CACNA2D3: variants seen among roughly 807,000 people sequenced by gnomAD.
The protein encoded by CACNA2D3 is calcium voltage-gated channel auxiliary subunit alpha2delta 3.
In CACNA2D3, 60 loss-of-function variants were observed where a neutral mutation model predicts 160.6. The ratio of observed to expected loss-of-function variants is 0.37; its 90% CI spans 0.30 to 0.46. CACNA2D3 has a LOEUF of 0.46. CACNA2D3 is among the 20% of genes least tolerant of loss of function. CACNA2D3 has a pLI of 1.00. For synonymous variants in CACNA2D3, 558 were observed against 492.9 expected (o/e 1.13, Z -1.75); for missense variants, 1,205 against 1,365.0 (o/e 0.88, Z 1.85).
At chr3:54,728,946 T>G (rs1260218258) in intron 11 of CACNA2D3, among the ~76,000 whole-genome samples, 3 of 152,224 alleles carry the variant, frequency 2.0e-5, no homozygotes, top group African/African-American at 7.2e-5. Flanking sequence ...AACACATACA[T>G]AACTTAGTCA....
At chr3:54,647,127 C>T (rs1403085330) in intron 11 of CACNA2D3, among the ~76,000 whole-genome samples, 1 of 152,200 alleles carries the variant, frequency 6.6e-6, no homozygotes, top group East Asian at 1.9e-4. Context: ...CAGATGAAAA[C>T]ACAGCCCAGT....
In CACNA2D3 at chr3:54,451,229, C is replaced by CTTTTTTTTTTTTTTTTTTTTTTTT. The variant is rs71074970; in HGVS notation, c.382-52254_382-52231dup. ...TGTCCCTTTCTGCTGATATAATAAT[C>CTTTTTTTTTTTTTTTTTTTTTTTT]TTTTTTTTTTTTTTTTTTTTTTTTT... On this transcript the variant is annotated intron_variant, in intron 4 of 37. Coordinates refer to ENST00000474759, the MANE Select transcript of CACNA2D3 (RefSeq NM_018398.3). Among the ~76,000 whole-genome samples the CTTTTTTTTTTTTTTTTTTTTTTTT allele has an allele frequency of 7.7e-5, 4 of 51,732 alleles. 2 individuals are homozygous for CTTTTTTTTTTTTTTTTTTTTTTTT. The highest frequency in any genetic ancestry group is 1.7e-4 in the African/African-American group (2 of 11,594). 33.9% of individuals were successfully genotyped at this position (51,732 alleles called of 152,430 possible).
intron 2 of CACNA2D3, among the ~76,000 whole-genome samples, chr3:54,293,970 A>G (rs1326855281): frequency 1.3e-5 from 2 of 152,338 alleles, no homozygotes; most frequent in East Asian, 3.9e-4. Flanking sequence ...GGGTAGTGGA[A>G]GGCCCCCAGA....
At chr3:54,675,761 T>C (rs1371298552) in intron 11 of CACNA2D3, among the ~76,000 whole-genome samples, 1 of 152,180 alleles carries the variant, frequency 6.6e-6, no homozygotes, top group African/African-American at 2.4e-5. Context: ...TCGGAGATAC[T>C]GCTTCTAGTG....
intron 4 of CACNA2D3, among the ~76,000 whole-genome samples, chr3:54,437,086 C>T (rs1372046712): frequency 6.6e-6 from 1 of 152,132 alleles, no homozygotes; most frequent in African/African-American, 2.4e-5. Flanking sequence ...GGTAATTCTC[C>T]TTTTTGGCAT....
At chr3:54,407,252 A>G (rs745990953) in intron 4 of CACNA2D3, among the ~76,000 whole-genome samples, 1 of 152,210 alleles carries the variant, frequency 6.6e-6, no homozygotes, top group Non-Finnish European at 1.5e-5. Flanking sequence ...GGTGTTTTTC[A>G]TAGAGATAGG....
intron 11 of CACNA2D3, among the ~76,000 whole-genome samples, chr3:54,646,194 G>GCTTCCTTCCTTCCTTCCTTC (rs1169806180): frequency 1.3e-3 from 18 of 13,458 alleles, no homozygotes; most frequent in Admixed American, 4.1e-3. Flanking sequence ...CTCCTTCCTT[G>GCTTCCTTCCTTCCTTCCTTC]CTTCCTTCCT....
chr3:54,471,277 T>C (rs1347036641), intron 4 of CACNA2D3, among the ~76,000 whole-genome samples: 1 of 152,184 alleles, frequency 6.6e-6, no homozygotes, highest in Non-Finnish European at 1.5e-5. Context: ...ACATGGAAAC[T>C]GAATAACCTG....
chr3:54,444,306 C>T (rs1700188123), intron 4 of CACNA2D3, among the ~76,000 whole-genome samples: 1 of 152,156 alleles, frequency 6.6e-6, no homozygotes, highest in Admixed American at 6.5e-5. Context: ...TGAGCAATTC[C>T]TGCTTACTTG....
rs1704903423 is a variant in CACNA2D3, at chr3:55,074,383, AAGT to A, written c.*178_*180del. 7 of 580,500 alleles carry A rather than the reference AAGT, an allele frequency of 1.2e-5. No homozygotes were observed. The highest frequency in any genetic ancestry group is 4.2e-5 in the South Asian group (2 of 47,490). 36.0% of individuals were successfully genotyped at this position (580,500 alleles called of 1,614,324 possible). ...AAACTCTTAAAGATATGTTGACAAA[AAGT>A]TATCTATCATCTTTTTACTTTGCCA... On this transcript the variant is annotated 3_prime_UTR_variant, in exon 38 of 38. Coordinates refer to ENST00000474759, the MANE Select transcript of CACNA2D3 (RefSeq NM_018398.3).
At chr3:54,789,823 C>T (rs750168010) in intron 13 of CACNA2D3, 2 of 514,194 alleles carry the variant, frequency 3.9e-6, no homozygotes, top group African/African-American at 1.9e-5. Context: ...AAAGTGAGCC[C>T]GAGCTTAAAA....
rs898827938 is a variant in CACNA2D3, at chr3:54,944,063, C to T, written c.2450-24387C>T. Among the ~76,000 whole-genome samples the T allele has an allele frequency of 2.0e-4, 30 of 152,124 alleles. 1 individual carries two copies. Among genetic ancestry groups the T allele is most frequent in the Non-Finnish European group, 4.4e-5 (3 of 68,028 alleles). ...ATTTTGAATTTTGAAGGCATTGCTCCATTTTCTTTTGACTTCCTGTGTTGT... is the reference window on the plus strand; with the variant it reads ...ATTTTGAATTTTGAAGGCATTGCTCTATTTTCTTTTGACTTCCTGTGTTGT... On this transcript the variant is annotated intron_variant, in intron 27 of 37. Transcript: ENST00000474759.
chr3:54,691,515 G>A (rs1191156337), intron 11 of CACNA2D3, among the ~76,000 whole-genome samples: 6 of 152,150 alleles, frequency 3.9e-5, no homozygotes, highest in Non-Finnish European at 5.9e-5. Context: ...AAGACTGACT[G>A]TATTTAAATC....
At chr3:54,530,138 C>A (rs1701784993) in intron 5 of CACNA2D3, among the ~76,000 whole-genome samples, 1 of 152,132 alleles carries the variant, frequency 6.6e-6, no homozygotes, top group African/African-American at 2.4e-5. Context: ...CTTGGGATTC[C>A]TTAGCACAGT....
At chr3:54,187,826 G>T (rs1044831379) in intron 2 of CACNA2D3, among the ~76,000 whole-genome samples, 6 of 152,126 alleles carry the variant, frequency 3.9e-5, no homozygotes, top group Non-Finnish European at 4.4e-5. Context: ...TAATGCCACC[G>T]CTGCCACTGA....
At chr3:54,149,298 C>CACAT (rs1330832520) in intron 2 of CACNA2D3, among the ~76,000 whole-genome samples, 20 of 151,132 alleles carry the variant, frequency 1.3e-4, no homozygotes, top group Non-Finnish European at 1.5e-5. Context: ...CACACACACA[C>CACAT]ATATGTGTGG....
chr3:54,423,449 T>G (rs1699867612), intron 4 of CACNA2D3, among the ~76,000 whole-genome samples: 1 of 152,140 alleles, frequency 6.6e-6, no homozygotes, highest in Admixed American at 6.5e-5. Flanking sequence ...CTCCCTCTCC[T>G]TTGCACCCTC....
intron 8 of CACNA2D3, among the ~76,000 whole-genome samples, chr3:54,581,287 G>T (rs192117648): frequency 1.3e-5 from 2 of 152,150 alleles, no homozygotes; most frequent in Non-Finnish European, 2.9e-5. Flanking sequence ...GCAATGTATG[G>T]GAAATTGTGC....
At chr3:54,423,685 C>T (rs1699871120) in intron 4 of CACNA2D3, among the ~76,000 whole-genome samples, 1 of 152,106 alleles carries the variant, frequency 6.6e-6, no homozygotes, top group East Asian at 1.9e-4. Context: ...GAATAAGCCT[C>T]TCTGGTTTTT....
Sources: gnomAD v4.1 joint callset for allele counts (sites outside exome capture counted in the v4.1 genomes callset) on GRCh38, gnomAD v4.1.1 for gene constraint, MANE v1.5 for transcripts, NCBI Gene and HGNC (gene_info 2026-07-23, HGNC 2026-07-21) for gene names.